Variants in RAP1A observed in about 807,000 individuals in gnomAD.
The protein encoded by RAP1A is RAP1A, member of RAS oncogene family.
A neutral mutation model predicts 26.4 loss-of-function variants in RAP1A; 6 were observed. The observed-to-expected ratio is 0.23, with a 90% CI of 0.12 to 0.45. The LOEUF is 0.45. Among genes scored for constraint, RAP1A ranks in the 20% least tolerant of loss-of-function variants. RAP1A has a pLI of 0.99. For synonymous variants in RAP1A, 73 were observed against 79.4 expected (o/e 0.92, Z 0.43); for missense variants, 121 against 217.2 (o/e 0.56, Z 2.78).
chr1:111,634,156 G>A (rs190253439), intron 1 of RAP1A, among the ~76,000 whole-genome samples: 3 of 152,126 alleles, frequency 2.0e-5, no homozygotes, highest in African/African-American at 7.2e-5. Flanking sequence ...AAAGAAATTG[G>A]CTGTTTAATC....
At chr1:111,616,994 C>T (rs1265297873), upstream of RAP1A, among the ~76,000 whole-genome samples, 1 of 152,170 alleles carries the variant, frequency 6.6e-6, no homozygotes, top group Non-Finnish European at 1.5e-5. Context: ...TCAGTGGAAA[C>T]TGGGAAAAGG....
At position 111,570,502 on chromosome 1, in the gene RAP1A, G is replaced by A. The variant is rs113448575; in HGVS notation, c.-28+27993G>A. Among the ~76,000 whole-genome samples the A allele has an allele frequency of 2.8e-3, 429 of 152,124 alleles. 1 individual carries two copies. The highest frequency in any genetic ancestry group is 5.3e-3 in the Non-Finnish European group (363 of 67,992). ...AAATGTGGGGGAGCAGGCAGAGGAGGGATTCCACACTGATTCTTCAATTCT... is the reference window on the plus strand; with the variant it reads ...AAATGTGGGGGAGCAGGCAGAGGAGAGATTCCACACTGATTCTTCAATTCT... On this transcript the variant is annotated intron_variant, in intron 1 of 7. Transcript: ENST00000356415.
At chr1:111,678,871 C>T (rs540389238) in intron 1 of RAP1A, among the ~76,000 whole-genome samples, 5 of 151,990 alleles carry the variant, frequency 3.3e-5, no homozygotes, top group African/African-American at 1.2e-4. Context: ...GGATTGTCAT[C>T]TGTGGATAAA....
intron 7 of RAP1A, among the ~76,000 whole-genome samples, chr1:111,710,121 A>G (rs1662331108): frequency 6.6e-6 from 1 of 151,764 alleles, no homozygotes; most frequent in African/African-American, 2.4e-5. Context: ...TGAGTTCTAC[A>G]TTCTCCCCAA....
At chr1:111,677,644 G>A (rs967135459) in intron 1 of RAP1A, among the ~76,000 whole-genome samples, 1 of 152,136 alleles carries the variant, frequency 6.6e-6, no homozygotes, top group African/African-American at 2.4e-5. Context: ...TCCTCTTCAG[G>A]TGTGCCTCTC....
At chr1:111,594,594 G>GAGGAAGGAAGGA (rs138889267) in intron 1 of RAP1A, among the ~76,000 whole-genome samples, 26 of 148,614 alleles carry the variant, frequency 1.7e-4, no homozygotes, top group African/African-American at 6.5e-4. Flanking sequence ...GGAAGGGAGG[G>GAGGAAGGAAGGA]AGGAAGGAAG....
At chr1:111,542,328 T>C (rs1656864448) in exon 1 of RAP1A, 2 of 469,288 alleles carry the variant, frequency 4.3e-6, no homozygotes, top group Non-Finnish European at 8.6e-6. Flanking sequence ...AAAAGAGAAG[T>C]GTCTGTGTGG....
chr1:111,692,796 G>A (rs1176030156), intron 2 of RAP1A, among the ~76,000 whole-genome samples: 4 of 152,162 alleles, frequency 2.6e-5, no homozygotes, highest in Non-Finnish European at 4.4e-5. Flanking sequence ...TAGGCTGAGG[G>A]TAGATACCTG....
intron 1 of RAP1A, among the ~76,000 whole-genome samples, chr1:111,567,389 AG>A (rs1453517178): frequency 6.6e-6 from 1 of 152,234 alleles, no homozygotes; most frequent in Non-Finnish European, 1.5e-5. Flanking sequence ...GTCAGCTAAA[AG>A]TAGAAAGGCC....
intron 1 of RAP1A, among the ~76,000 whole-genome samples, chr1:111,593,652 CTTTTTTTTTTTTT>C (rs994763442): frequency 3.2e-4 from 21 of 65,408 alleles, no homozygotes; most frequent in Non-Finnish European, 5.5e-4. Context: ...ATGACTCCTA[CTTTTTTTTTTTTT>C]TTTTTTTTTT....
chr1:111,542,017 C>T (rs1286214572), upstream of RAP1A, among the ~76,000 whole-genome samples: 1 of 151,774 alleles, frequency 6.6e-6, no homozygotes, highest in Non-Finnish European at 1.5e-5. Flanking sequence ...CCATTCATTC[C>T]ATAAGCATTC....
chr1:111,712,061 AAAAG>A (rs146551568), intron 7 of RAP1A, among the ~76,000 whole-genome samples: 2,006 of 152,272 alleles, frequency 0.013, 43 homozygotes, highest in African/African-American at 0.045. Context: ...CCTTCAGTAA[AAAAG>A]GAAAGTAAAA....
At chr1:111,559,407 A>G (rs1657641757) in intron 1 of RAP1A, among the ~76,000 whole-genome samples, 1 of 152,186 alleles carries the variant, frequency 6.6e-6, no homozygotes, top group Non-Finnish European at 1.5e-5. Flanking sequence ...CCTATTCTTT[A>G]TGAAACTTAG....
chr1:111,603,508 G>A (rs528811039), intron 1 of RAP1A, among the ~76,000 whole-genome samples: 2 of 152,212 alleles, frequency 1.3e-5, no homozygotes, highest in East Asian at 1.9e-4. Context: ...GATGTTCTGG[G>A]GTGCACTGAA....
At chr1:111,592,420 A>C (rs1658487464) in intron 1 of RAP1A, among the ~76,000 whole-genome samples, 1 of 152,180 alleles carries the variant, frequency 6.6e-6, no homozygotes, top group East Asian at 1.9e-4. Context: ...TTGTCCACAG[A>C]GCAAATCTAG....
At chr1:111,683,888 T>A (rs1661382844) in intron 1 of RAP1A, among the ~76,000 whole-genome samples, 1 of 152,198 alleles carries the variant, frequency 6.6e-6, no homozygotes, top group Non-Finnish European at 1.5e-5. Context: ...ATATCCCTGA[T>A]GACCATCGAT....
intron 7 of RAP1A, among the ~76,000 whole-genome samples, chr1:111,710,701 A>G (rs763097667): frequency 2.6e-5 from 4 of 152,210 alleles, no homozygotes; most frequent in Non-Finnish European, 5.9e-5. Flanking sequence ...CCTTTTTTAA[A>G]TGAAGGTACA....
chr1:111,662,473 T>TGTCTAGG (rs1193689772), intron 1 of RAP1A, among the ~76,000 whole-genome samples: 1 of 149,552 alleles, frequency 6.7e-6, no homozygotes, highest in African/African-American at 2.5e-5. Context: ...AAAACAAAGG[T>TGTCTAGG]GTCTAGGGGG....
chr1:111,685,024 CAATGGGG>C (rs1661426470), intron 1 of RAP1A, among the ~76,000 whole-genome samples: 1 of 152,088 alleles, frequency 6.6e-6, no homozygotes. Flanking sequence ...CAAAAACAAG[CAATGGGG>C]AAAGGATTCC....
Sources: allele counts gnomAD v4.1 joint callset (sites outside exome capture counted in the v4.1 genomes callset), GRCh38; gene constraint gnomAD v4.1.1; transcripts MANE v1.5; gene names NCBI Gene and HGNC (gene_info 2026-07-23, HGNC 2026-07-21).